The following LINGO2 variants were observed in gnomAD, a reference collection of about 807,000 sequenced individuals.
The protein encoded by LINGO2 is leucine rich repeat and Ig domain containing 2, also known as leucine-rich repeat and immunoglobulin-like domain-containing nogo receptor-interacting protein 2.
A neutral mutation model predicts 30.6 loss-of-function variants in LINGO2; 14 were observed. That is an observed-to-expected ratio of 0.46 (90% confidence interval 0.30 to 0.72). The LOEUF is 0.72. Ranked by LOEUF, LINGO2 falls within the 30% of genes least tolerant of loss-of-function variation. LINGO2 has a pLI of 0.07. For missense variants in LINGO2, 729 were observed against 751.7 expected (o/e 0.97, Z 0.35); for synonymous variants, 317 against 288.5 (o/e 1.10, Z -1.00).
At chr9:28,489,896 C>CAAAAAAAAA (rs36068240) in intron 1 of LINGO2, among the ~76,000 whole-genome samples, 11 of 66,890 alleles carry the variant, frequency 1.6e-4, no homozygotes, top group Non-Finnish European at 2.9e-4. Context: ...GACTTTGTCT[C>CAAAAAAAAA]AAAAAAAAAA....
In LINGO2 at chr9:28,130,038, C is replaced by G. The variant is rs1286259927; in HGVS notation, c.-86-117633G>C. On this transcript the variant is annotated intron_variant, in intron 4 of 5. Transcript: ENST00000379992. The surrounding 1 kb of genome is among the most constrained non-coding windows in gnomAD (Gnocchi z 5.2). Reference sequence around the variant, plus strand: ...GAAGCCACAGAGTAACCTCTTCAGACTACTTCATATGTTTCAGCGTCTCAT... The same window carrying G: ...GAAGCCACAGAGTAACCTCTTCAGAGTACTTCATATGTTTCAGCGTCTCAT... Among the ~76,000 whole-genome samples, 1 of 152,194 alleles carries G rather than the reference C, an allele frequency of 6.6e-6. No individual in the cohort carries two copies. The highest frequency in any genetic ancestry group is 1.5e-5 in the Non-Finnish European group (1 of 68,034).
the LINGO2 span, among the ~76,000 whole-genome samples, chr9:28,905,100 A>G: frequency 6.6e-6 from 1 of 152,140 alleles, no homozygotes; most frequent in Admixed American, 6.6e-5. Context: ...CTGGAGCTAT[A>G]TCTCACATGA....
the LINGO2 span, among the ~76,000 whole-genome samples, chr9:29,208,703 T>C: frequency 3.3e-5 from 5 of 152,148 alleles, no homozygotes; most frequent in African/African-American, 1.2e-4. Flanking sequence ...TTTTTAAACA[T>C]AGAGTAGGTA....
the LINGO2 span, among the ~76,000 whole-genome samples, chr9:28,972,012 C>T: frequency 6.6e-6 from 1 of 152,184 alleles, no homozygotes; most frequent in Non-Finnish European, 1.5e-5. Flanking sequence ...CCTGGTAATC[C>T]AGAGAACTCT....
chr9:28,598,220 T>C (rs1447932775), intron 1 of LINGO2, among the ~76,000 whole-genome samples: 1 of 151,842 alleles, frequency 6.6e-6, no homozygotes, highest in Non-Finnish European at 1.5e-5. Flanking sequence ...GTAGTAAACA[T>C]CCACAGAAAC....
At chr9:28,998,696 G>C in the LINGO2 span, among the ~76,000 whole-genome samples, 4 of 151,996 alleles carry the variant, frequency 2.6e-5, no homozygotes, top group Admixed American at 6.6e-5. Flanking sequence ...TGATGGAAAA[G>C]AGAACTCAAC....
the LINGO2 span, among the ~76,000 whole-genome samples, chr9:29,006,786 T>G: frequency 6.6e-6 from 1 of 151,974 alleles, no homozygotes; most frequent in Non-Finnish European, 1.5e-5. Flanking sequence ...ATACTCTAAA[T>G]CAAACATAGG....
At chr9:28,241,191 C>A (rs1310700390) in intron 4 of LINGO2, among the ~76,000 whole-genome samples, 2 of 149,168 alleles carry the variant, frequency 1.3e-5, no homozygotes, top group Admixed American at 6.8e-5. Context: ...ATTGCTTGAA[C>A]CCGGGAGGTG....
chr9:29,117,032 G>A, the LINGO2 span, among the ~76,000 whole-genome samples: 39 of 152,260 alleles, frequency 2.6e-4, no homozygotes, highest in African/African-American at 8.9e-4. Context: ...TCAAGAAAAT[G>A]AGAGTAGTAT....
intron 3 of LINGO2, among the ~76,000 whole-genome samples, chr9:28,313,238 A>T (rs1191042287): frequency 6.6e-6 from 1 of 152,194 alleles, no homozygotes; most frequent in East Asian, 1.9e-4. Flanking sequence ...AAATTGAATC[A>T]TTTCAAAAGA....
intron 5 of LINGO2, among the ~76,000 whole-genome samples, chr9:27,952,324 C>T (rs1014300639): frequency 7.2e-5 from 11 of 151,780 alleles, no homozygotes; most frequent in Non-Finnish European, 1.6e-4. Context: ...TAAACCCTAT[C>T]AAGAATCAAA....
At chr9:28,686,715 T>C in the LINGO2 span, among the ~76,000 whole-genome samples, 1 of 152,084 alleles carries the variant, frequency 6.6e-6, no homozygotes, top group Non-Finnish European at 1.5e-5. Context: ...AGCCTCTAAA[T>C]GCAGGTTTAC....
intron 2 of LINGO2, among the ~76,000 whole-genome samples, chr9:28,475,540 G>C (rs573780908): frequency 6.6e-6 from 1 of 152,176 alleles, no homozygotes; most frequent in South Asian, 2.1e-4. Flanking sequence ...GTTATTACTT[G>C]GTATGTGAAA....
rs375605737 is a variant in LINGO2 at position 28,044,803 on chromosome 9, A to AG, written c.-86-32399dup. 1.3e-3 allele frequency among the ~76,000 whole-genome samples: 202 copies of AG among 152,172 alleles called. 2 individuals carry two copies. Among genetic ancestry groups the AG allele is most frequent in the African/African-American group, 4.7e-3 (196 of 41,492 alleles). The stretch of plus-strand genomic sequence containing the variant: ...GCTTCTCTCTCAGGCATATGTTATA[A>AG]GGAATCAGAGACTTTTCCGTAGGTT... On this transcript the variant is annotated intron_variant, in intron 4 of 5. Coordinates refer to ENST00000379992, the Ensembl canonical transcript of LINGO2.
chr9:28,900,302 C>G, the LINGO2 span, among the ~76,000 whole-genome samples: 4 of 152,156 alleles, frequency 2.6e-5, no homozygotes, highest in African/African-American at 7.2e-5. Context: ...CCCTAAGGAC[C>G]AAAACTCCAG....
chr9:28,448,504 C>A (rs192377032), intron 2 of LINGO2, among the ~76,000 whole-genome samples: 1 of 152,080 alleles, frequency 6.6e-6, no homozygotes, highest in East Asian at 1.9e-4. Context: ...TACTTACTAC[C>A]TATATAAAGC....
At chr9:28,535,656 T>C (rs549199388) in intron 1 of LINGO2, among the ~76,000 whole-genome samples, 1 of 151,816 alleles carries the variant, frequency 6.6e-6, no homozygotes, top group African/African-American at 2.4e-5. Flanking sequence ...TAATACCACA[T>C]CCATGTGCAC....
At chr9:28,162,923 G>C (rs1341530020) in intron 4 of LINGO2, among the ~76,000 whole-genome samples, 1 of 152,166 alleles carries the variant, frequency 6.6e-6, no homozygotes, top group Non-Finnish European at 1.5e-5. Context: ...CAAAGGAGCA[G>C]AAGTCTGATA....
At chr9:28,283,788 G>GTTA (rs1236997952) in intron 4 of LINGO2, among the ~76,000 whole-genome samples, 3 of 151,852 alleles carry the variant, frequency 2.0e-5, no homozygotes, top group Admixed American at 1.3e-4. Flanking sequence ...ATTTAGGGTA[G>GTTA]TTATTATTAT....
Sources: allele counts gnomAD v4.1 joint callset (sites outside exome capture counted in the v4.1 genomes callset), GRCh38; gene constraint gnomAD v4.1.1; non-coding constraint Gnocchi (gnomAD v3.1); transcripts MANE v1.5; gene names NCBI Gene and HGNC (gene_info 2026-07-23, HGNC 2026-07-21).